The following ITGA1 variants were observed in gnomAD, a reference collection of about 807,000 sequenced individuals.
ITGA1 encodes integrin alpha-1.
In ITGA1, 85 loss-of-function variants were observed where a neutral mutation model predicts 145.9. That is an observed-to-expected ratio of 0.58 (90% CI 0.49 to 0.70). The LOEUF (loss-of-function observed/expected upper bound fraction) is 0.70. Ranked by LOEUF, ITGA1 falls within the 30% of genes least tolerant of loss-of-function variation. The probability of loss-of-function intolerance (pLI) is 0.00; values close to 1 mark genes in which losing one functional copy is unlikely to be tolerated. For missense variants in ITGA1, 1,351 were observed against 1,418.7 expected (o/e 0.95, Z 0.77); for synonymous variants, 520 against 495.3 (o/e 1.05, Z -0.66).
rs140069309 is a variant in ITGA1 at position 52,844,295 on chromosome 5, C to T, written c.62-5070C>T. Among the ~76,000 whole-genome samples, 671 of 152,288 alleles carry T rather than the reference C, an allele frequency of 4.4e-3. 4 individuals are homozygous for T. The highest frequency in any genetic ancestry group is 0.015 in the African/African-American group (642 of 41,564). ...TTACTCAGACTTTCCAGTCATTCCCCAAATCCTTTCCAGCCCATTGCTATT... is the reference window on the plus strand; with the variant it reads ...TTACTCAGACTTTCCAGTCATTCCCTAAATCCTTTCCAGCCCATTGCTATT... On this transcript the variant is annotated intron_variant, in intron 1 of 28. Coordinates refer to ENST00000282588, the MANE Select transcript of ITGA1 (RefSeq NM_181501.2).
rs766482675 is a variant in ITGA1 at position 52,915,565 on chromosome 5, TG to T, written c.1964del (p.Gly655AlafsTer15). 1.2e-6 allele frequency: 2 copies of T among 1,614,060 alleles called. No homozygotes were observed. Among genetic ancestry groups the T allele is most frequent in the Non-Finnish European group, 1.7e-6 (2 of 1,179,982 alleles). Reference protein sequence around the residue: ...NGDGLTDVTIGGLGGAALFWS... With the variant: ...NGDGLTDVTIXGLGGAALFWS... ...GTGACGGTCTGACAGATGTGACTAT[TG>T]GGGGCCTTGGTGGTGCTGCCCTCTT... On this transcript the variant is annotated frameshift_variant, in exon 15 of 29. Transcript: ENST00000282588. LOFTEE classifies it high-confidence loss of function.
intron 15 of ITGA1, among the ~76,000 whole-genome samples, chr5:52,917,171 TG>T (rs1406027906): frequency 6.6e-6 from 1 of 152,196 alleles, no homozygotes; most frequent in Non-Finnish European, 1.5e-5. Context: ...AAGATCTGGC[TG>T]GGGCAGAGAG....
chr5:52,940,724 C>A (rs1396928471), intron 26 of ITGA1, among the ~76,000 whole-genome samples: 1 of 151,848 alleles, frequency 6.6e-6, no homozygotes, highest in Non-Finnish European at 1.5e-5. Flanking sequence ...TATGACTTTG[C>A]CATTTTTGAA....
intron 23 of ITGA1, among the ~76,000 whole-genome samples, chr5:52,936,383 C>A (rs902380806): frequency 2.0e-5 from 3 of 152,160 alleles, no homozygotes; most frequent in East Asian, 1.9e-4. Flanking sequence ...TGGTCAGGAA[C>A]CTCCAGAATT....
chr5:52,828,439 G>C (rs1350048747), intron 1 of ITGA1, among the ~76,000 whole-genome samples: 16 of 151,696 alleles, frequency 1.1e-4, no homozygotes, highest in Admixed American at 1.1e-3. Context: ...TGTGCTTATT[G>C]GCCATTTGTG....
chr5:52,893,933 A>G, intron 9 of ITGA1, 93 bp downstream of exon 9: 1 of 875,904 alleles, frequency 1.1e-6, no homozygotes, highest in East Asian at 2.6e-5. Context: ...CATCAGTAAT[A>G]CTTTTTTTTT....
At chr5:52,833,084 T>C (rs1216662191) in intron 1 of ITGA1, among the ~76,000 whole-genome samples, 5 of 151,560 alleles carry the variant, frequency 3.3e-5, no homozygotes, top group Non-Finnish European at 5.9e-5. Flanking sequence ...CCCAGCTACT[T>C]GGGAGGCTGA....
At position 52,944,975 on chromosome 5, in the gene ITGA1, G is replaced by T; in HGVS notation, c.3318G>T (p.Arg1106Ser). The T allele has an allele frequency of 6.2e-7, 1 of 1,613,082 alleles. No homozygotes were observed. Reference sequence around the variant, plus strand: ...TTTCCAGCTTAAATCTTACTATAAGGGGAGAACTTCGGAGTGAAAATGCAT... The same window carrying T: ...TTTCCAGCTTAAATCTTACTATAAGTGGAGAACTTCGGAGTGAAAATGCAT... Reference protein sequence around the residue: ...SYFSSLNLTIRGELRSENASL... With the variant: ...SYFSSLNLTISGELRSENASL... Residue 1106 changes from arginine to serine, a missense_variant, in exon 27 of 29, where the codon AGG (arginine) becomes AGT (serine). Arg to Ser is a moderately radical substitution (Grantham distance 110). Coordinates refer to ENST00000282588, the MANE Select transcript of ITGA1 (RefSeq NM_181501.2).
intron 1 of ITGA1, chr5:52,801,239 C>T: frequency 8.3e-7 from 1 of 1,202,666 alleles, no homozygotes; most frequent in South Asian, 1.5e-5. Context: ...CTGGGATTTT[C>T]ATGAGATAAT....
At chr5:52,910,970 C>CGG (rs1750504717) in intron 14 of ITGA1, among the ~76,000 whole-genome samples, 1 of 114,702 alleles carries the variant, frequency 8.7e-6, no homozygotes, top group Non-Finnish European at 1.7e-5. Context: ...ACTATATATA[C>CGG]TATATATAGT....
chr5:52,865,833 T>G lies in ITGA1; in HGVS notation c.624+16T>G, dbSNP rs754582262. On this transcript the variant is annotated intron_variant, in intron 6 of 28. Coordinates refer to ENST00000282588, the MANE Select transcript of ITGA1 (RefSeq NM_181501.2). ...ACAGACACAGGTATGTGACTTTGTG[T>G]TTTGATTTCTGTTGTTCTAAAGATA... 2.9e-5 allele frequency: 45 copies of G among 1,554,248 alleles called. No homozygotes were observed. Among genetic ancestry groups the G allele is most frequent in the Non-Finnish European group, 3.8e-5 (44 of 1,158,352 alleles).
intron 2 of ITGA1, among the ~76,000 whole-genome samples, chr5:52,853,991 T>A (rs1207478486): frequency 2.0e-5 from 3 of 152,156 alleles, no homozygotes; most frequent in Non-Finnish European, 2.9e-5. Context: ...TCCACTCTAA[T>A]CTGTTGCTGC....
chr5:52,885,955 C>A (rs796840137), intron 7 of ITGA1, among the ~76,000 whole-genome samples: 6 of 152,182 alleles, frequency 3.9e-5, no homozygotes, highest in African/African-American at 9.6e-5. Context: ...AGCCTAATTG[C>A]CTATAAATTC....
chr5:52,806,417 A>T (rs1027308401), intron 1 of ITGA1, among the ~76,000 whole-genome samples: 1 of 152,046 alleles, frequency 6.6e-6, no homozygotes, highest in African/African-American at 2.4e-5. Flanking sequence ...TATGGTCATC[A>T]AGTAGTAAAC....
At chr5:52,947,081 A>G (rs1164927243) in intron 27 of ITGA1, among the ~76,000 whole-genome samples, 1 of 152,204 alleles carries the variant, frequency 6.6e-6, no homozygotes, top group Non-Finnish European at 1.5e-5. Flanking sequence ...CCTCCCCTTG[A>G]GCATTCCAAT....
chr5:52,863,386 C>T (rs1208285852), intron 3 of ITGA1, among the ~76,000 whole-genome samples: 1 of 151,696 alleles, frequency 6.6e-6, no homozygotes, highest in Non-Finnish European at 1.5e-5. Context: ...CTGTCATTGC[C>T]CTCAATCTCT....
At chr5:52,831,225 T>C (rs911201455) in intron 1 of ITGA1, among the ~76,000 whole-genome samples, 1 of 152,038 alleles carries the variant, frequency 6.6e-6, no homozygotes, top group African/African-American at 2.4e-5. Flanking sequence ...CTCTGCCTCC[T>C]GGGTTCAAGC....
intron 6 of ITGA1, among the ~76,000 whole-genome samples, chr5:52,868,566 T>G (rs535129734): frequency 1.5e-3 from 223 of 152,314 alleles, no homozygotes; most frequent in African/African-American, 5.1e-3. Context: ...GTGGGCAACA[T>G]GAAGTTATAT....
At chr5:52,911,489 A>G (rs1381718524) in intron 14 of ITGA1, among the ~76,000 whole-genome samples, 8 of 129,558 alleles carry the variant, frequency 6.2e-5, no homozygotes, top group Non-Finnish European at 4.8e-5. Context: ...CACTATATAT[A>G]GTATATATAG....
Sources: allele counts gnomAD v4.1 joint callset (sites outside exome capture counted in the v4.1 genomes callset), GRCh38; gene constraint gnomAD v4.1.1; transcripts MANE v1.5; gene names NCBI Gene and HGNC (gene_info 2026-07-23, HGNC 2026-07-21).